GMFG: variants seen among roughly 807,000 people sequenced by gnomAD.
GMFG encodes the protein glia maturation factor gamma.
A neutral mutation model predicts 26.1 loss-of-function variants in GMFG; 21 were observed. That is an observed-to-expected ratio of 0.80 (90% CI 0.57 to 1.16). The LOEUF (loss-of-function observed/expected upper bound fraction) is 1.16, where lower values mean the gene tolerates loss of function less well. GMFG is among the 50% of genes most tolerant of loss of function. GMFG has a pLI of 0.00. For synonymous variants in GMFG, 65 were observed against 60.8 expected (o/e 1.07, Z -0.32); for missense variants, 161 against 178.3 (o/e 0.90, Z 0.55).
At chr19:39,335,646 C>G (rs1051421953) in intron 1 of GMFG, 115 bp from the exon 2 acceptor site, 114 of 771,192 alleles carry the variant, frequency 1.5e-4, no homozygotes, top group Non-Finnish European at 2.3e-4. Flanking sequence ...CCATCTGATG[C>G]CTTTGTGAAC....
chr19:39,328,681 C>CT (rs2075213597), intron 6 of GMFG, 133 bp from the exon 7 acceptor site: 1 of 677,678 alleles, frequency 1.5e-6, no homozygotes, highest in Non-Finnish European at 2.7e-6. Context: ...GAGTTCGAGA[C>CT]CAGCCTGGCC....
In GMFG at chr19:39,329,576, T is replaced by C. The variant is rs766705633; in HGVS notation, c.251A>G (p.Tyr84Cys). ...KYVHDDGRVS[Y>C]PLCFIFSSPV... ...GCTGGAGAAGATGAAACACAAAGGG[T>C]AGGACACTCGGCCATCGTCATGCAC... The change falls in exon 5 of 7, where the codon TAC becomes TGC. Residue 84 changes from tyrosine to cysteine, a missense_variant. By Grantham distance (194) the Tyr-to-Cys change is radical. Transcript: ENST00000597595. 1 of 1,610,208 alleles carries C rather than the reference T, an allele frequency of 6.2e-7. No individual in the cohort carries two copies. Among genetic ancestry groups the C allele is most frequent in the African/African-American group, 1.3e-5 (1 of 74,768 alleles).
In GMFG at chr19:39,328,411, A is replaced by G. The variant is rs917375581; in HGVS notation, c.*66T>C. On this transcript the variant is annotated 3_prime_UTR_variant, in exon 7 of 7. Coordinates refer to ENST00000597595, the MANE Select transcript of GMFG (RefSeq NM_004877.4). ...TTAAAGTCTTGGTTGTTCAGGTCCTAGGGGTTCCAAGTCCCCAGTCACCTT... is the reference window on the plus strand; with the variant it reads ...TTAAAGTCTTGGTTGTTCAGGTCCTGGGGGTTCCAAGTCCCCAGTCACCTT... 1.5e-5 allele frequency: 15 copies of G among 1,003,596 alleles called. No homozygotes were observed. The highest frequency in any genetic ancestry group is 9.5e-5 in the East Asian group (4 of 41,960). 62.2% of individuals were successfully genotyped at this position (1,003,596 alleles called of 1,614,324 possible). A position where few individuals can be genotyped will look rare whatever the true frequency, so the allele number is the denominator to read the frequency against.
intron 5 of GMFG, 78 bp from the exon 6 acceptor site, chr19:39,329,151 C>A: frequency 1.0e-6 from 1 of 983,588 alleles, no homozygotes; most frequent in Admixed American, 1.8e-5. Context: ...GTCCTGAAGG[C>A]CCTGCAGCTT....
chr19:39,335,711 C>T (rs1256435582), intron 1 of GMFG, among the ~76,000 whole-genome samples, 180 bp from the exon 2 acceptor site: 1 of 152,208 alleles, frequency 6.6e-6, no homozygotes, highest in African/African-American at 2.4e-5. Flanking sequence ...GGGCACTCAG[C>T]TTGGGGGGCG....
At chr19:39,329,315 G>A (rs1301656213) in intron 5 of GMFG, among the ~76,000 whole-genome samples, 1 of 152,134 alleles carries the variant, frequency 6.6e-6, no homozygotes, top group African/African-American at 2.4e-5. Flanking sequence ...GGTTGGCTTA[G>A]GCCCCAGGAC....
chr19:39,330,278 G>C (rs1227440714), intron 4 of GMFG, among the ~76,000 whole-genome samples: 1 of 144,386 alleles, frequency 6.9e-6, no homozygotes, highest in Non-Finnish European at 1.5e-5. Flanking sequence ...ATTCTGTCCA[G>C]TGCACTTGAA....
rs752561944 is a variant in GMFG, at chr19:39,328,477, T to C, written c.429A>G (p.Ter143TrpextTer9). Residue 143 changes from the stop codon to tryptophan, a stop_lost, in exon 7 of 7, where the codon TGA becomes TGG. Transcript: ENST00000597595. Reference sequence around the variant, plus strand: ...AGGAATTCAGTCCCCAGCCCAGAGATCAACGAAAGAAAGACAACTTTTCTT... The same window carrying C: ...AGGAATTCAGTCCCCAGCCCAGAGACCAACGAAAGAAAGACAACTTTTCTT... ...WLQEKLSFFR[*>W] The C allele has an allele frequency of 1.4e-5, 22 of 1,607,046 alleles. No homozygotes were observed. Among genetic ancestry groups the C allele is most frequent in the Non-Finnish European group, 1.9e-5 (22 of 1,173,770 alleles).
chr19:39,336,006 C>G lies in GMFG; in HGVS notation c.-30G>C. ...GTTCTGTCCACAGGCCTCTTCTTTT[C>G]TTAGTTCCGCTGTCTTCTAGGCGTG... On this transcript the variant is annotated 5_prime_UTR_variant, in exon 1 of 7. Transcript: ENST00000597595. 1 of 1,596,638 alleles carries G rather than the reference C, an allele frequency of 6.3e-7. No individual in the cohort carries two copies. Among genetic ancestry groups the G allele is most frequent in the South Asian group, 1.1e-5 (1 of 90,652 alleles).
chr19:39,335,640 C>T (rs2075246570), intron 1 of GMFG, 109 bp from the exon 2 acceptor site: 1 of 803,218 alleles, frequency 1.2e-6, no homozygotes, highest in East Asian at 2.4e-5. Flanking sequence ...GCCGGCCCAT[C>T]TGATGCCTTT....
chr19:39,330,132 T>C (rs1295231118), intron 4 of GMFG, among the ~76,000 whole-genome samples: 1 of 152,108 alleles, frequency 6.6e-6, no homozygotes, highest in Non-Finnish European at 1.5e-5. Flanking sequence ...CTTTATAATA[T>C]AGGTGCTATT....
At position 39,329,635 on chromosome 19, in the gene GMFG, A is replaced by C. The variant is rs2075218598; in HGVS notation, c.201-9T>G. On this transcript the variant is annotated splice_polypyrimidine_tract_variant and intron_variant, in intron 4 of 6. Coordinates refer to ENST00000597595, the MANE Select transcript of GMFG (RefSeq NM_004877.4). ...AGCTGTAAACCACGAACCTACCGTG[A>C]AAGGGAATTGAAAATCAGGACTCTG... The C allele has an allele frequency of 6.3e-7, 1 of 1,575,450 alleles. No individual in the cohort carries two copies. The highest frequency in any genetic ancestry group is 8.7e-7 in the Non-Finnish European group (1 of 1,145,040).
chr19:39,335,213 C>A, intron 3 of GMFG, 48 bp downstream of exon 3: 1 of 1,437,142 alleles, frequency 7.0e-7, no homozygotes, highest in Non-Finnish European at 9.5e-7. Flanking sequence ...ACTTGGTTCT[C>A]CCAGTCTCAC....
In GMFG at chr19:39,333,067, C is replaced by A; in HGVS notation, c.200+10G>T. The stretch of plus-strand genomic sequence containing the variant: ...ATGGCCTGATCCAACCCTTTCTTCC[C>A]CCAGGATACCTGGGCTGTCTCTCCG... On this transcript the variant is annotated intron_variant, in intron 4 of 6. Coordinates refer to ENST00000597595, the MANE Select transcript of GMFG (RefSeq NM_004877.4). The A allele has an allele frequency of 6.3e-7, 1 of 1,593,418 alleles. No homozygotes were observed. The highest frequency in any genetic ancestry group is 1.1e-5 in the South Asian group (1 of 90,548).
At chr19:39,332,532 C>CAA (rs200680238) in intron 4 of GMFG, among the ~76,000 whole-genome samples, 70 of 57,382 alleles carry the variant, frequency 1.2e-3, no homozygotes, top group African/African-American at 3.5e-3. Context: ...AAAGTTTGTA[C>CAA]AAAAAAAAAA....
At chr19:39,334,214 C>T (rs1360935102) in intron 3 of GMFG, among the ~76,000 whole-genome samples, 1 of 151,884 alleles carries the variant, frequency 6.6e-6, no homozygotes, top group Non-Finnish European at 1.5e-5. Flanking sequence ...GACGGGGTTT[C>T]ACCATGTTAG....
intron 4 of GMFG, 35 bp from the exon 5 acceptor site, chr19:39,329,661 G>C (rs777980724): frequency 8.9e-6 from 12 of 1,343,786 alleles, no homozygotes; most frequent in Admixed American, 1.7e-5. Flanking sequence ...CAGGACTCTG[G>C]CCTGCAGCCC....
intron 3 of GMFG, among the ~76,000 whole-genome samples, 192 bp downstream of exon 3, chr19:39,335,069 T>C (rs1422163161): frequency 6.6e-6 from 1 of 152,126 alleles, no homozygotes; most frequent in African/African-American, 2.4e-5. Context: ...CAGGCTGGTC[T>C]TGAACTCCCA....
Position 39,335,289 on chromosome 19 carries a change from T to C in GMFG, c.122A>G (p.Gln41Arg). The change falls in exon 3 of 7, where the codon CAG (glutamine) becomes CGG (arginine). Residue 41 changes from glutamine to arginine, a missense_variant. Transcript: ENST00000597595. Reference sequence around the variant, plus strand: ...AAATTCTTCCTCCAGCACCACCATCTGCCGGTCTTTGTCCACCTTCACTGG... The same window carrying C: ...AAATTCTTCCTCCAGCACCACCATCCGCCGGTCTTTGTCCACCTTCACTGG... ...AIIMKVDKDR[Q>R]MVVLEEEFQN... 3.8e-6 allele frequency: 6 copies of C among 1,565,640 alleles called. No homozygotes were observed. The highest frequency in any genetic ancestry group is 5.2e-6 in the Non-Finnish European group (6 of 1,154,168).
Sources: gnomAD v4.1 joint callset for allele counts (sites outside exome capture counted in the v4.1 genomes callset) on GRCh38, gnomAD v4.1.1 for gene constraint, MANE v1.5 for transcripts, NCBI Gene and HGNC (gene_info 2026-07-23, HGNC 2026-07-21) for gene names.